The following VWA8 variants were observed in gnomAD, a reference collection of about 807,000 sequenced individuals.
VWA8 encodes von Willebrand factor A domain-containing protein 8.
Under a neutral mutation model 241.5 loss-of-function variants are expected in VWA8, and 221 were observed. That is an observed-to-expected ratio of 0.91 (90% CI 0.82 to 1.02). The LOEUF is 1.02. Among genes scored for constraint, VWA8 ranks in the 50% least tolerant of loss-of-function variants. The pLI, the probability that VWA8 is intolerant of heterozygous loss-of-function variation, is 0.00. For synonymous variants in VWA8, 852 were observed against 827.1 expected (o/e 1.03, Z -0.52); for missense variants, 2,322 against 2,328.7 (o/e 1.00, Z 0.06).
chr13:41,572,920 C>T (rs1267920655), intron 43 of VWA8, among the ~76,000 whole-genome samples: 8 of 145,270 alleles, frequency 5.5e-5, no homozygotes, highest in South Asian at 2.1e-4. Context: ...CCGGCCTGGC[C>T]GGCATGGTGG....
intron 1 of VWA8, among the ~76,000 whole-genome samples, chr13:41,950,406 T>C (rs767970270): frequency 3.2e-4 from 49 of 152,172 alleles, no homozygotes; most frequent in Non-Finnish European, 5.3e-4. Flanking sequence ...TCTCACTCTG[T>C]CACCTGGGCT....
chr13:41,622,621 C>T (rs190424959), intron 37 of VWA8, among the ~76,000 whole-genome samples: 27 of 152,232 alleles, frequency 1.8e-4, no homozygotes, highest in East Asian at 1.2e-3. Flanking sequence ...GTGCTATAAT[C>T]GTAAGAATCA....
intron 38 of VWA8, among the ~76,000 whole-genome samples, chr13:41,613,131 C>T (rs1322463807): frequency 6.6e-6 from 1 of 152,166 alleles, no homozygotes; most frequent in Non-Finnish European, 1.5e-5. Context: ...CCCCCACCTC[C>T]ACCTTACCAC....
rs1255791807 is a variant in VWA8, at chr13:41,881,379, G to C, written c.1080+2008C>G. ...ATCATAGTTTTTTTTTGCCGGGGGGGGGGGGGGGGGGGTAAGGTCACAGAT... is the reference window on the plus strand; with the variant it reads ...ATCATAGTTTTTTTTTGCCGGGGGGCGGGGGGGGGGGGTAAGGTCACAGAT... On this transcript the variant is annotated intron_variant, in intron 9 of 44. Transcript: ENST00000379310. Among the ~76,000 whole-genome samples the C allele has an allele frequency of 1.0e-4, 5 of 49,282 alleles. 1 individual carries two copies. Among genetic ancestry groups the C allele is most frequent in the African/African-American group, 1.4e-4 (2 of 14,032 alleles). 32.3% of individuals were successfully genotyped at this position (49,282 alleles called of 152,430 possible). A position where few individuals can be genotyped will look rare whatever the true frequency, so the allele number is the denominator to read the frequency against.
At chr13:41,576,111 T>G (rs534358569) in intron 42 of VWA8, among the ~76,000 whole-genome samples, 2 of 152,272 alleles carry the variant, frequency 1.3e-5, no homozygotes, top group East Asian at 3.9e-4. Flanking sequence ...AAACTATAAT[T>G]GGGGTGAGGT....
intron 35 of VWA8, among the ~76,000 whole-genome samples, chr13:41,684,574 T>A (rs1244401747): frequency 2.0e-5 from 3 of 151,900 alleles, no homozygotes; most frequent in Non-Finnish European, 2.9e-5. Flanking sequence ...TAGGATGGGG[T>A]TTTAAGGAGT....
intron 9 of VWA8, among the ~76,000 whole-genome samples, chr13:41,871,914 T>C (rs1345306626): frequency 6.6e-6 from 1 of 152,218 alleles, no homozygotes; most frequent in African/African-American, 2.4e-5. Context: ...TAGTTTACAG[T>C]CCCACCAACA....
At position 41,570,685 on chromosome 13, in the gene VWA8, A is replaced by T. The variant is rs754134493; in HGVS notation, c.5392T>A (p.Phe1798Ile). The change falls in exon 44 of 45, where the codon TTC becomes ATC. Residue 1798 changes from phenylalanine (F) to isoleucine (I), a missense_variant. Transcript: ENST00000379310. Reference sequence around the variant, plus strand: ...AACGTGTGGTCCCCACTCATGCAGAACTGAGAGTGGGCATGCATTGTCTGG... The same window carrying T: ...AACGTGTGGTCCCCACTCATGCAGATCTGAGAGTGGGCATGCATTGTCTGG... ...ILKTMHAHSQFCMSGDHTLEG... is the reference protein window; with the variant it reads ...ILKTMHAHSQICMSGDHTLEG... The T allele has an allele frequency of 4.3e-6, 7 of 1,613,894 alleles. No individual in the cohort carries two copies. The African/African-American group carries it at 9.3e-5, about 22-fold the overall frequency.
At chr13:41,865,670 A>G in intron 12 of VWA8, 66 bp downstream of exon 12, 1 of 1,554,946 alleles carries the variant, frequency 6.4e-7, no homozygotes. Flanking sequence ...AGATATCCAT[A>G]AATTCTGCTG....
chr13:41,868,799 A>G (rs1873439284), intron 9 of VWA8, among the ~76,000 whole-genome samples: 1 of 150,522 alleles, frequency 6.6e-6, no homozygotes, highest in Non-Finnish European at 1.5e-5. Flanking sequence ...GAGGCAAGAG[A>G]ATGGCGTGAA....
chr13:41,848,059 G>A lies in VWA8; in HGVS notation c.1426-14528C>T, dbSNP rs140022341. 2.6e-5 allele frequency among the ~76,000 whole-genome samples: 4 copies of A among 152,098 alleles called. No homozygotes were observed. The East Asian group carries it at 7.7e-4, about 29-fold the overall frequency. On this transcript the variant is annotated intron_variant, in intron 12 of 44. Coordinates refer to ENST00000379310, the MANE Select transcript of VWA8 (RefSeq NM_015058.2). Reference sequence around the variant, plus strand: ...GTAGATCCTGCAAAAAACAAATGATGGAATATTGACAACTGGCTATGAGGG... The same window carrying A: ...GTAGATCCTGCAAAAAACAAATGATAGAATATTGACAACTGGCTATGAGGG...
Position 41,784,697 on chromosome 13 carries a change from C to CATATACATATAT in VWA8, c.2171-797_2171-796insATATATGTATAT, listed in dbSNP as rs1355266984. Among the ~76,000 whole-genome samples the CATATACATATAT allele has an allele frequency of 1.9e-4, 11 of 57,028 alleles. No homozygotes were observed. The South Asian group carries it at 2.2e-3, about 11-fold the overall frequency. 37.4% of individuals were successfully genotyped at this position (57,028 alleles called of 152,430 possible). On this transcript the variant is annotated intron_variant, in intron 18 of 44. Transcript: ENST00000379310. Reference sequence around the variant, plus strand: ...CTCTCTCTTTATACATATACATATACATATATATATATATATATATATATA... The same window carrying CATATACATATAT: ...CTCTCTCTTTATACATATACATATACATATACATATATATATATATATATATATATATATATA...
intron 34 of VWA8, among the ~76,000 whole-genome samples, chr13:41,686,225 A>C (rs1426675182): frequency 2.6e-5 from 4 of 152,154 alleles, no homozygotes; most frequent in African/African-American, 9.7e-5. Flanking sequence ...TATCCTTGAA[A>C]TTTAATAGGA....
At chr13:41,896,678 G>C (rs1456779051) in intron 4 of VWA8, among the ~76,000 whole-genome samples, 1 of 151,940 alleles carries the variant, frequency 6.6e-6, no homozygotes, top group Non-Finnish European at 1.5e-5. Flanking sequence ...CAACTTCACT[G>C]GTTATTAGAG....
intron 2 of VWA8, among the ~76,000 whole-genome samples, chr13:41,929,974 G>A (rs894736569): frequency 2.6e-5 from 4 of 152,118 alleles, no homozygotes; most frequent in Non-Finnish European, 5.9e-5. Flanking sequence ...AAAAACATTT[G>A]CAATCCATAT....
At chr13:41,730,573 G>A (rs1229068334) in intron 22 of VWA8, among the ~76,000 whole-genome samples, 1 of 152,094 alleles carries the variant, frequency 6.6e-6, no homozygotes, top group African/African-American at 2.4e-5. Flanking sequence ...CTGCTTAGGT[G>A]GGAAGAGGAA....
chr13:41,927,825 G>A (rs1876922192), intron 2 of VWA8, among the ~76,000 whole-genome samples: 1 of 151,988 alleles, frequency 6.6e-6, no homozygotes, highest in Non-Finnish European at 1.5e-5. Flanking sequence ...AAAAAAGGGG[G>A]GAATTCAATT....
In VWA8 at chr13:41,691,519, A is replaced by C. The variant is rs1028306423; in HGVS notation, c.3741-74T>G. On this transcript the variant is annotated intron_variant, in intron 31 of 44. Transcript: ENST00000379310. ...TTGAGTAATCTGGCATAATCATTTCATGATACATTATGCAACCCATAAAAA... is the reference window on the plus strand; with the variant it reads ...TTGAGTAATCTGGCATAATCATTTCCTGATACATTATGCAACCCATAAAAA... 17 of 1,513,092 alleles carry C rather than the reference A, an allele frequency of 1.1e-5. No individual in the cohort carries two copies. The Admixed American group carries it at 2.1e-4, about 19-fold the overall frequency. 93.7% of individuals were successfully genotyped at this position (1,513,092 alleles called of 1,614,324 possible). A position where few individuals can be genotyped will look rare whatever the true frequency, so the allele number is the denominator to read the frequency against.
At chr13:41,714,922 T>C (rs1290367852) in intron 26 of VWA8, among the ~76,000 whole-genome samples, 2 of 152,090 alleles carry the variant, frequency 1.3e-5, no homozygotes, top group African/African-American at 4.8e-5. Context: ...GCCAAAACTA[T>C]TGATAATTTT....
Sources: gnomAD v4.1 joint callset for allele counts (sites outside exome capture counted in the v4.1 genomes callset) on GRCh38, gnomAD v4.1.1 for gene constraint, MANE v1.5 for transcripts, NCBI Gene and HGNC (gene_info 2026-07-23, HGNC 2026-07-21) for gene names.